The following GPHN variants were observed in gnomAD, a reference collection of about 807,000 sequenced individuals.
GPHN encodes gephyrin.
Under a neutral mutation model 95.5 loss-of-function variants are expected in GPHN, and 17 were observed. The observed-to-expected ratio is 0.18, with a 90% confidence interval of 0.12 to 0.27. The LOEUF is 0.27. Ranked by LOEUF, GPHN falls within the 10% of genes least tolerant of loss-of-function variation. The pLI is 1.00. For synonymous variants in GPHN, 320 were observed against 322.5 expected (o/e 0.99, Z 0.08); for missense variants, 660 against 978.1 (o/e 0.67, Z 4.34).
At chr14:67,690,502 G>T in the GPHN span, 1 of 1,114,394 alleles carries the variant, frequency 9.0e-7, no homozygotes, top group Non-Finnish European at 1.3e-6. Context: ...CTCACCTATG[G>T]GAGGCAGATA....
At chr14:67,272,984 G>A in the GPHN span, among the ~76,000 whole-genome samples, 3 of 151,938 alleles carry the variant, frequency 2.0e-5, no homozygotes, top group Non-Finnish European at 2.9e-5. Flanking sequence ...TGTAACCTTC[G>A]TATTTCTTGA....
chr14:67,453,847 T>G, the GPHN span, among the ~76,000 whole-genome samples: 1 of 152,202 alleles, frequency 6.6e-6, no homozygotes, highest in Non-Finnish European at 1.5e-5. Context: ...TGGCTGTGAC[T>G]GTAGATCCTG....
At chr14:66,954,940 A>T (rs76188985) in intron 8 of GPHN, among the ~76,000 whole-genome samples, 13 of 152,062 alleles carry the variant, frequency 8.5e-5, no homozygotes, top group African/African-American at 2.9e-4. Context: ...ATGGTGAGCC[A>T]CTCTTACATT....
At chr14:67,370,003 A>C in the GPHN span, among the ~76,000 whole-genome samples, 1 of 152,230 alleles carries the variant, frequency 6.6e-6, no homozygotes, top group Admixed American at 6.5e-5. Context: ...TATTAACAGC[A>C]AACCAGTCAT....
intron 1 of GPHN, among the ~76,000 whole-genome samples, chr14:66,589,095 AAG>A (rs1387230552): frequency 3.3e-5 from 5 of 152,184 alleles, no homozygotes; most frequent in African/African-American, 4.8e-5. Context: ...TCTGAAAAAA[AAG>A]AAGTTTCAAC....
In GPHN at chr14:67,023,627, C is replaced by A; in HGVS notation, c.964-6C>A. 1 of 1,612,554 alleles carries A rather than the reference C, an allele frequency of 6.2e-7. No homozygotes were observed. Among genetic ancestry groups the A allele is most frequent in the Non-Finnish European group, 8.5e-7 (1 of 1,178,700 alleles). ...CTAAATTACTGAGTTTATGCTCTTT[C>A]TACAGGTCCAGTCCAGGTGCAGCAG... On this transcript the variant is annotated splice_region_variant and splice_polypyrimidine_tract_variant and intron_variant, in intron 9 of 22. Transcript: ENST00000478722.
the GPHN span, among the ~76,000 whole-genome samples, chr14:67,212,610 T>A: frequency 6.9e-6 from 1 of 145,276 alleles, no homozygotes; most frequent in African/African-American, 2.5e-5. Context: ...TATATATATA[T>A]ATATGTAATA....
chr14:67,657,617 C>CACAT, the GPHN span, among the ~76,000 whole-genome samples: 3 of 151,232 alleles, frequency 2.0e-5, no homozygotes, highest in South Asian at 2.1e-4. Flanking sequence ...CACACACACA[C>CACAT]ACACACCCAA....
intron 10 of GPHN, among the ~76,000 whole-genome samples, chr14:67,028,628 A>G (rs1025553897): frequency 6.6e-6 from 1 of 152,008 alleles, no homozygotes; most frequent in East Asian, 1.9e-4. Context: ...GATTTTGGGC[A>G]TTTTTTCATA....
the GPHN span, among the ~76,000 whole-genome samples, chr14:67,331,076 A>G: frequency 0.16 from 23,600 of 150,984 alleles, 3,458 homozygotes; most frequent in East Asian, 0.43. Context: ...ACAGAGTCTC[A>G]CTCTGTCGCC....
Position 67,047,330 on chromosome 14 carries a change from GTGTT to G in GPHN, c.1007-11315_1007-11312del, listed in dbSNP as rs1459232689. 8.0e-3 allele frequency among the ~76,000 whole-genome samples: 766 copies of G among 96,056 alleles called. 5 individuals are homozygous for G. Among genetic ancestry groups the G allele is most frequent in the African/African-American group, 0.013 (358 of 27,954 alleles). The allele number at this position is 96,056 out of a possible 152,430, so 63.0% of individuals were successfully genotyped here. On this transcript the variant is annotated intron_variant, in intron 10 of 22. Transcript: ENST00000478722. ...TTCTTCATTTATTTTGTGTGTGTGTGTGTTTGTGTGTGTGTGTGTGTGTGTGTGT... is the reference window on the plus strand; with the variant it reads ...TTCTTCATTTATTTTGTGTGTGTGTGTGTGTGTGTGTGTGTGTGTGTGTGT...
intron 1 of GPHN, among the ~76,000 whole-genome samples, chr14:66,532,043 A>G (rs1162519788): frequency 6.6e-6 from 1 of 152,240 alleles, no homozygotes; most frequent in East Asian, 1.9e-4. Flanking sequence ...GAATTGGTCT[A>G]AGGGCTGTAG....
intron 4 of GPHN, among the ~76,000 whole-genome samples, chr14:66,857,414 AAG>A (rs1305428776): frequency 6.6e-6 from 1 of 152,224 alleles, no homozygotes; most frequent in Non-Finnish European, 1.5e-5. Flanking sequence ...GCACTAAAGT[AAG>A]GGAACTATTG....
chr14:67,313,905 A>G, the GPHN span, among the ~76,000 whole-genome samples: 4 of 152,054 alleles, frequency 2.6e-5, no homozygotes, highest in African/African-American at 9.7e-5. Flanking sequence ...TTTGTTTTAA[A>G]TCCAGATAAT....
At chr14:67,489,032 G>A in the GPHN span, among the ~76,000 whole-genome samples, 1 of 152,162 alleles carries the variant, frequency 6.6e-6, no homozygotes, top group East Asian at 1.9e-4. Context: ...AGGGGACAGG[G>A]GACATGAGGC....
the GPHN span, chr14:67,646,500 C>A: frequency 1.5e-5 from 9 of 600,936 alleles, no homozygotes; most frequent in East Asian, 2.8e-5. Context: ...TTCTCCTTCC[C>A]AGATCAAGTG....
At chr14:66,828,262 C>T (rs1386761432) in intron 4 of GPHN, among the ~76,000 whole-genome samples, 1 of 151,810 alleles carries the variant, frequency 6.6e-6, no homozygotes, top group Non-Finnish European at 1.5e-5. Flanking sequence ...AATATAGGCC[C>T]ACTAAAAAGT....
intron 1 of GPHN, among the ~76,000 whole-genome samples, chr14:66,530,666 A>C (rs1221202344): frequency 6.6e-6 from 1 of 152,108 alleles, no homozygotes; most frequent in Non-Finnish European, 1.5e-5. Context: ...CTGAGTGCAC[A>C]GTTCCTTACA....
the GPHN span, chr14:67,691,855 C>T: frequency 3.3e-3 from 515 of 154,640 alleles, 3 homozygotes; most frequent in African/African-American, 0.012. Context: ...TAGAGTATTA[C>T]ACACACATAC....
Sources: allele counts gnomAD v4.1 joint callset (sites outside exome capture counted in the v4.1 genomes callset), GRCh38; gene constraint gnomAD v4.1.1; transcripts MANE v1.5; gene names NCBI Gene and HGNC (gene_info 2026-07-23, HGNC 2026-07-21).